Variants in EPHA5 observed in about 807,000 individuals in gnomAD.
EPHA5 encodes the protein ephrin type-A receptor 5.
In EPHA5, 60 loss-of-function variants were observed where a neutral mutation model predicts 105.0. The ratio of observed to expected loss-of-function variants is 0.57; its 90% CI spans 0.46 to 0.71. The LOEUF (loss-of-function observed/expected upper bound fraction) is 0.71, where lower values mean the gene tolerates loss of function less well. EPHA5 is among the 30% of genes least tolerant of loss of function. The pLI is 0.00. For missense variants in EPHA5, 1,218 were observed against 1,274.7 expected, an observed-to-expected ratio of 0.96 and a Z score of 0.68; for synonymous variants, 513 against 449.1, an observed-to-expected ratio of 1.14 and a Z score of -1.80.
chr4:65,635,851 G>A (rs1747074609), intron 2 of EPHA5, among the ~76,000 whole-genome samples: 2 of 152,120 alleles, frequency 1.3e-5, no homozygotes, highest in Non-Finnish European at 2.9e-5. Context: ...TTTAGGTTGT[G>A]TACATATAGG....
At chr4:65,417,423 T>A (rs1291038818) in intron 6 of EPHA5, among the ~76,000 whole-genome samples, 1 of 152,218 alleles carries the variant, frequency 6.6e-6, no homozygotes, top group East Asian at 1.9e-4. Context: ...TTTATAGGTA[T>A]AATGTAGATA....
At chr4:65,625,675 T>A (rs187217357) in intron 2 of EPHA5, among the ~76,000 whole-genome samples, 63 of 152,308 alleles carry the variant, frequency 4.1e-4, no homozygotes, top group Non-Finnish European at 7.2e-4. Flanking sequence ...GTAGTTATGA[T>A]AAGAAATAGT....
At chr4:65,573,754 A>G in intron 3 of EPHA5, 1 of 1,609,800 alleles carries the variant, frequency 6.2e-7, no homozygotes, top group Admixed American at 1.7e-5. Flanking sequence ...GTTGGTGGTG[A>G]CAAGAACGGC....
chr4:65,564,730 G>GA (rs549748076), intron 3 of EPHA5, among the ~76,000 whole-genome samples: 4 of 151,346 alleles, frequency 2.6e-5, no homozygotes, highest in Non-Finnish European at 4.4e-5. Flanking sequence ...TGTTGTAATG[G>GA]AAAAAAATGA....
chr4:65,542,638 A>C (rs1736954290), intron 3 of EPHA5, among the ~76,000 whole-genome samples: 1 of 152,052 alleles, frequency 6.6e-6, no homozygotes, highest in Admixed American at 6.6e-5. Flanking sequence ...ATTTTACCAG[A>C]GGTACAAAGA....
chr4:65,496,324 A>AC lies in EPHA5; in HGVS notation c.911-782dup, dbSNP rs560642958. On this transcript the variant is annotated intron_variant, in intron 3 of 16. Coordinates refer to ENST00000613740, the MANE Select transcript of EPHA5 (RefSeq NM_001281766.3). ...TACATGTGCCATGCTGGTGCGCTGC[A>AC]CCCACTAACTCGTCATCTAGCATTA... Among the ~76,000 whole-genome samples, 57 of 150,254 alleles carry AC rather than the reference A, an allele frequency of 3.8e-4. No individual in the cohort carries two copies. The South Asian group carries it at 0.012, about 31-fold the overall frequency.
chr4:65,459,904 A>T (rs1727967365), intron 5 of EPHA5, among the ~76,000 whole-genome samples: 1 of 151,858 alleles, frequency 6.6e-6, no homozygotes, highest in South Asian at 2.1e-4. Context: ...TAAAATATTC[A>T]GTTATCCAAT....
At chr4:65,401,048 ATG>A (rs891024558) in intron 8 of EPHA5, among the ~76,000 whole-genome samples, 2 of 150,612 alleles carry the variant, frequency 1.3e-5, no homozygotes, top group Non-Finnish European at 3.0e-5. Context: ...GTGTGTGTGC[ATG>A]TGTGTGTGTG....
At chr4:65,358,728 C>T (rs1163966366) in intron 11 of EPHA5, among the ~76,000 whole-genome samples, 2 of 151,370 alleles carry the variant, frequency 1.3e-5, no homozygotes, top group Non-Finnish European at 3.0e-5. Flanking sequence ...TGGGACAAGT[C>T]CTTTGTAAAA....
chr4:65,335,885 T>C, intron 15 of EPHA5, 47 bp downstream of exon 15: 1 of 1,511,456 alleles, frequency 6.6e-7, no homozygotes, highest in Non-Finnish European at 8.9e-7. Flanking sequence ...GTGACATCAA[T>C]CTGAGTTAGC....
chr4:65,555,658 C>T (rs1738364107), intron 3 of EPHA5, among the ~76,000 whole-genome samples: 1 of 141,004 alleles, frequency 7.1e-6, no homozygotes, highest in Admixed American at 6.8e-5. Flanking sequence ...CGAAGCTGGG[C>T]TACTTCATCA....
At chr4:65,596,623 G>A (rs1743215212) in intron 3 of EPHA5, among the ~76,000 whole-genome samples, 1 of 151,934 alleles carries the variant, frequency 6.6e-6, no homozygotes, top group Admixed American at 6.6e-5. Context: ...TGTAATGTTT[G>A]TAAATGGATG....
chr4:65,361,308 C>A (rs375459391), intron 11 of EPHA5, among the ~76,000 whole-genome samples: 3 of 151,594 alleles, frequency 2.0e-5, no homozygotes, highest in African/African-American at 7.3e-5. Flanking sequence ...GAAGAGAGGA[C>A]ATTTTAGGTC....
intron 3 of EPHA5, among the ~76,000 whole-genome samples, chr4:65,506,064 T>C (rs1488943062): frequency 6.6e-6 from 1 of 152,240 alleles, no homozygotes; most frequent in Non-Finnish European, 1.5e-5. Context: ...TGTGTTGTCA[T>C]TGTACAATTC....
At chr4:65,390,359 T>G (rs1418375567) in intron 8 of EPHA5, among the ~76,000 whole-genome samples, 1 of 152,024 alleles carries the variant, frequency 6.6e-6, no homozygotes, top group African/African-American at 2.4e-5. Flanking sequence ...CTAGCCAATA[T>G]ACTTTCACAT....
chr4:65,600,468 G>A (rs192395754), intron 3 of EPHA5, among the ~76,000 whole-genome samples: 66 of 152,232 alleles, frequency 4.3e-4, no homozygotes, highest in Non-Finnish European at 4.4e-5. Context: ...CAAGTAAAGT[G>A]CAATGTGTTT....
intron 3 of EPHA5, among the ~76,000 whole-genome samples, chr4:65,507,213 T>C (rs565559860): frequency 6.6e-6 from 1 of 152,260 alleles, no homozygotes; most frequent in Admixed American, 6.5e-5. Context: ...TCTGTTCTGT[T>C]CCATTGGTCT....
chr4:65,625,475 C>A (rs1401111649), intron 2 of EPHA5, among the ~76,000 whole-genome samples: 2 of 152,160 alleles, frequency 1.3e-5, no homozygotes, highest in Non-Finnish European at 2.9e-5. Context: ...CTCCAGTCAT[C>A]AACTGATGCC....
In EPHA5 at chr4:65,476,664, T is replaced by C. The variant is rs548041508; in HGVS notation, c.1402+13713A>G. ...ACTATCTCAATGACAGGATCATTCGTATCCCAAACCTCAGCCTCATGCAAT... is the reference window on the plus strand; with the variant it reads ...ACTATCTCAATGACAGGATCATTCGCATCCCAAACCTCAGCCTCATGCAAT... On this transcript the variant is annotated intron_variant, in intron 5 of 16. Transcript: ENST00000613740. 1.1e-4 allele frequency among the ~76,000 whole-genome samples: 17 copies of C among 152,240 alleles called. No homozygotes were observed. The South Asian group carries it at 3.3e-3, about 30-fold the overall frequency.
Sources: gnomAD v4.1 joint callset for allele counts (sites outside exome capture counted in the v4.1 genomes callset) on GRCh38, gnomAD v4.1.1 for gene constraint, MANE v1.5 for transcripts, NCBI Gene and HGNC (gene_info 2026-07-23, HGNC 2026-07-21) for gene names.